Variants in CDKL5 observed in about 807,000 individuals in gnomAD.
The protein encoded by CDKL5 is cyclin-dependent kinase-like 5.
Under a neutral mutation model 61.7 loss-of-function variants are expected in CDKL5, and 8 were observed. The observed-to-expected ratio is 0.13, with a 90% CI of 0.08 to 0.23. The LOEUF (loss-of-function observed/expected upper bound fraction) is 0.23. CDKL5 is among the 10% of genes least tolerant of loss of function. CDKL5 has a pLI of 1.00. For synonymous variants in CDKL5, 275 were observed against 272.3 expected, an observed-to-expected ratio of 1.01 and a Z score of -0.10; for missense variants, 440 against 734.5, an observed-to-expected ratio of 0.60 and a Z score of 4.63.
At position 18,650,667 on chromosome X, in the gene CDKL5, CAG is replaced by C. The variant is rs892437453; in HGVS notation, c.2980+77_2980+78del. 8.4e-6 allele frequency: 9 copies of C among 1,069,632 alleles called. 1 individual carries two copies. Among genetic ancestry groups the C allele is most frequent in the Non-Finnish European group, 1.3e-6 (1 of 770,934 alleles). The allele number at this position is 1,069,632 out of a possible 1,213,427, so 88.1% of individuals were successfully genotyped here. ...AATTGCCCGAGGAGCTGTAGAAATG[CAG>C]ATGTTCAGGCCACACCCCCAGGGAT... is the stretch of plus-strand genomic sequence containing the variant. On this transcript the variant is annotated intron_variant, in intron 21 of 21. Coordinates refer to the CDKL5 transcript ENST00000379989.
At chrX:18,653,342 C>T in intron 21 of CDKL5, 1 of 1,168,358 alleles carries the variant, frequency 8.6e-7, no homozygotes, top group African/African-American at 1.8e-5. Context: ...TGGCCTTCTG[C>T]TCCGTGGGGG....
At position 18,620,124 on chromosome X, in the gene CDKL5, A is replaced by G. The variant is rs144309559; in HGVS notation, c.2376+158A>G. 3.4e-3 allele frequency among the ~76,000 whole-genome samples: 385 copies of G among 112,328 alleles called. 4 individuals carry two copies. Among genetic ancestry groups the G allele is most frequent in the African/African-American group, 4.9e-3 (151 of 31,000 alleles). ...TCTCTTTCTGAAATTCTTTACAACT[A>G]TCCTCTCAACAGAGCCTTTTCTACA... On this transcript the variant is annotated intron_variant, in intron 16 of 17. Coordinates refer to ENST00000623535, the MANE Select transcript of CDKL5 (RefSeq NM_001323289.2).
At chrX:18,621,977 A>C (rs919865512) in intron 16 of CDKL5, among the ~76,000 whole-genome samples, 2 of 111,934 alleles carry the variant, frequency 1.8e-5, no homozygotes, top group Non-Finnish European at 3.8e-5. Flanking sequence ...TTTTGTTCTA[A>C]ACCACAGGTC....
At chrX:18,597,102 C>G (rs1055066434) in intron 10 of CDKL5, among the ~76,000 whole-genome samples, 5 of 110,576 alleles carry the variant, frequency 4.5e-5, no homozygotes, top group African/African-American at 1.6e-4. Flanking sequence ...CTTCTTATGC[C>G]CCCTTCCAGG....
At chrX:18,445,297 C>T (rs772834564) in intron 1 of CDKL5, among the ~76,000 whole-genome samples, 8 of 110,673 alleles carry the variant, frequency 7.2e-5, no homozygotes, top group Admixed American at 4.8e-4. Context: ...AGGCTGGTCT[C>T]GGACTCCTGA....
intron 1 of CDKL5, among the ~76,000 whole-genome samples, chrX:18,432,101 T>C (rs1370166304): frequency 1.1e-5 from 1 of 93,234 alleles, no homozygotes; most frequent in African/African-American, 4.2e-5. Context: ...CTTTCTTTCT[T>C]TTTTTTTTTT....
rs947942291 is a variant in CDKL5, at chrX:18,544,295, T to C, written c.100-20182T>C. 3.6e-5 allele frequency among the ~76,000 whole-genome samples: 4 copies of C among 112,265 alleles called. No homozygotes were observed. The Admixed American group carries it at 3.8e-4, about 11-fold the overall frequency. ...ACTAGATCTCAGGGATACAACCCCA[T>C]GATCTCTGAGTTCCTTTGGAAATTT... On this transcript the variant is annotated intron_variant, in intron 3 of 17. Coordinates refer to ENST00000623535, the MANE Select transcript of CDKL5 (RefSeq NM_001323289.2).
At chrX:18,573,064 T>C (rs1487134081) in intron 4 of CDKL5, among the ~76,000 whole-genome samples, 3 of 111,236 alleles carry the variant, frequency 2.7e-5, no homozygotes, top group South Asian at 3.8e-4. Flanking sequence ...AGAGCCTATG[T>C]AGTAGACTGA....
chrX:18,428,868 AAGACT>A (rs1931422519), intron 1 of CDKL5, among the ~76,000 whole-genome samples: 1 of 111,569 alleles, frequency 9.0e-6, no homozygotes, highest in Non-Finnish European at 1.9e-5. Context: ...ATGCAATTAA[AAGACT>A]ACATTTAAAC....
intron 3 of CDKL5, among the ~76,000 whole-genome samples, chrX:18,520,750 TCTC>T (rs1390937867): frequency 9.0e-6 from 1 of 111,354 alleles, no homozygotes. Flanking sequence ...TCCTCCTCCT[TCTC>T]CTCCTCCTCA....
At chrX:18,649,552 G>A (rs764681641) in intron 20 of CDKL5, among the ~76,000 whole-genome samples, 19 of 111,780 alleles carry the variant, frequency 1.7e-4, no homozygotes, top group African/African-American at 1.9e-4. Context: ...CCCAATGCAC[G>A]AAAGGAATAG....
In CDKL5 at chrX:18,591,586, TA is replaced by T. The variant is rs1203889959; in HGVS notation, c.744+3446del. 7.1e-5 allele frequency among the ~76,000 whole-genome samples: 8 copies of T among 111,942 alleles called. No homozygotes were observed. In the South Asian group the frequency reaches 3.0e-3, roughly 42 times the overall value. On this transcript the variant is annotated intron_variant, in intron 9 of 17. Coordinates refer to ENST00000623535, the MANE Select transcript of CDKL5 (RefSeq NM_001323289.2). ...TTAGAAACCTCTACAAGGTTACTGA[TA>T]AAGTTTAAACTCTTTAGGGTAGCTT...
chrX:18,505,009 T>G (rs1198441109), intron 1 of CDKL5, among the ~76,000 whole-genome samples: 1 of 111,718 alleles, frequency 9.0e-6, no homozygotes, highest in African/African-American at 3.2e-5. Context: ...TTCTTCCTTT[T>G]AAAACAATAT....
At chrX:18,443,695 A>AT (rs1229591886) in intron 1 of CDKL5, 1 of 111,539 alleles carries the variant, frequency 9.0e-6, no homozygotes, top group African/African-American at 3.3e-5. Flanking sequence ...CCCAATAGTC[A>AT]TTTTTTCTGC....
At chrX:18,611,126 A>T (rs1378865215) in intron 14 of CDKL5, among the ~76,000 whole-genome samples, 1 of 111,705 alleles carries the variant, frequency 9.0e-6, no homozygotes, top group African/African-American at 3.3e-5. Flanking sequence ...TACCATGATT[A>T]CGCTTTAGTA....
chrX:18,498,026 C>G (rs1276655369), intron 1 of CDKL5, among the ~76,000 whole-genome samples: 1 of 109,450 alleles, frequency 9.1e-6, no homozygotes, highest in Admixed American at 9.8e-5. Flanking sequence ...GACAAGGTCT[C>G]ATTATGTTGC....
intron 3 of CDKL5, among the ~76,000 whole-genome samples, chrX:18,545,384 A>G (rs1261183675): frequency 2.7e-5 from 3 of 111,856 alleles, no homozygotes; most frequent in Non-Finnish European, 3.8e-5. Flanking sequence ...GATCATTTCT[A>G]TTGTTTTTAC....
intron 3 of CDKL5, among the ~76,000 whole-genome samples, chrX:18,560,556 A>C (rs1203316729): frequency 8.9e-6 from 1 of 111,940 alleles, no homozygotes; most frequent in African/African-American, 3.2e-5. Context: ...AACACCTACT[A>C]TGTGCCTGCT....
chrX:18,630,760 A>G lies in CDKL5; in HGVS notation c.*2003A>G, dbSNP rs979920060. The G allele has an allele frequency of 1.3e-6, 1 of 750,542 alleles. No homozygotes were observed. Among genetic ancestry groups the G allele is most frequent in the Non-Finnish European group, 1.6e-6 (1 of 637,647 alleles). The allele number at this position is 750,542 out of a possible 1,213,427, so 61.9% of individuals were successfully genotyped here. ...CTGAAAAAATTTGACTCAAACCAATAGTTTTGCATGCTCTTTAGTTCTTTT... is the reference window on the plus strand; with the variant it reads ...CTGAAAAAATTTGACTCAAACCAATGGTTTTGCATGCTCTTTAGTTCTTTT... On this transcript the variant is annotated 3_prime_UTR_variant, in exon 18 of 18. Coordinates refer to ENST00000623535, the MANE Select transcript of CDKL5 (RefSeq NM_001323289.2).
Sources: gnomAD v4.1 joint callset for allele counts (sites outside exome capture counted in the v4.1 genomes callset) on GRCh38, gnomAD v4.1.1 for gene constraint, MANE v1.5 for transcripts, NCBI Gene and HGNC (gene_info 2026-07-23, HGNC 2026-07-21) for gene names.